Variants in YAF2 observed in about 807,000 individuals in gnomAD.
YAF2 encodes the protein YY1 associated factor 2.
Under a neutral mutation model 20.1 loss-of-function variants are expected in YAF2, and 7 were observed. That is an observed-to-expected ratio of 0.35 (90% CI 0.20 to 0.65). The LOEUF (loss-of-function observed/expected upper bound fraction) is 0.65, where lower values mean the gene tolerates loss of function less well. YAF2 is among the 30% of genes least tolerant of loss of function. YAF2 has a pLI of 0.69. For synonymous variants in YAF2, 74 were observed against 76.0 expected (o/e 0.97, Z 0.14); for missense variants, 151 against 219.2 (o/e 0.69, Z 1.96).
intron 2 of YAF2, among the ~76,000 whole-genome samples, chr12:42,188,006 T>A (rs1343681650): frequency 6.6e-6 from 1 of 152,218 alleles, no homozygotes; most frequent in African/African-American, 2.4e-5. Context: ...TTCAGGTAAC[T>A]GCAGCCTCAG....
At chr12:42,232,373 C>T in intron 2 of YAF2, 6 of 911,126 alleles carry the variant, frequency 6.6e-6, no homozygotes, top group Non-Finnish European at 7.9e-6. Flanking sequence ...AAAAAGATCT[C>T]AGGGACTCTC....
chr12:42,197,298 G>C (rs1256615294), intron 2 of YAF2, among the ~76,000 whole-genome samples: 1 of 152,166 alleles, frequency 6.6e-6, no homozygotes, highest in Non-Finnish European at 1.5e-5. Context: ...TCAAAAATTT[G>C]TCCAACACCC....
At chr12:42,213,418 G>A (rs1243412908) in intron 2 of YAF2, among the ~76,000 whole-genome samples, 3 of 152,186 alleles carry the variant, frequency 2.0e-5, no homozygotes. Context: ...AAATTAATCT[G>A]ACCAGATTTT....
intron 2 of YAF2, among the ~76,000 whole-genome samples, chr12:42,223,327 T>TACACACACAC (rs548568577): frequency 9.9e-4 from 131 of 131,804 alleles, no homozygotes; most frequent in African/African-American, 3.4e-3. Flanking sequence ...TTCTTTAAAA[T>TACACACACAC]ACATACACAC....
chr12:42,188,473 C>CCTCT (rs1818363482), intron 2 of YAF2, among the ~76,000 whole-genome samples: 1 of 150,774 alleles, frequency 6.6e-6, no homozygotes, highest in South Asian at 2.1e-4. Flanking sequence ...GCAAACTCCA[C>CCTCT]CTCTCGGGCT....
intron 2 of YAF2, among the ~76,000 whole-genome samples, chr12:42,200,078 A>G (rs1342617672): frequency 1.3e-5 from 2 of 152,178 alleles, no homozygotes; most frequent in East Asian, 3.9e-4. Context: ...GAGTTTACTA[A>G]GCAAAAGGCA....
intron 2 of YAF2, among the ~76,000 whole-genome samples, chr12:42,236,546 TAA>T (rs2068162321): frequency 1.5e-5 from 2 of 136,058 alleles, no homozygotes; most frequent in Non-Finnish European, 1.5e-5. Flanking sequence ...CTCTAAATTT[TAA>T]ACTTAATAAA....
chr12:42,228,425 T>TA (rs2067843555), intron 2 of YAF2, among the ~76,000 whole-genome samples: 2 of 20,896 alleles, frequency 9.6e-5, no homozygotes, highest in Non-Finnish European at 8.5e-5. Flanking sequence ...GGGAGGGAGG[T>TA]GGGGGGGTCA....
chr12:42,217,985 A>G (rs943370940), intron 2 of YAF2, among the ~76,000 whole-genome samples: 3 of 152,188 alleles, frequency 2.0e-5, no homozygotes, highest in African/African-American at 7.2e-5. Context: ...GACCATGACC[A>G]TGCTCAGACA....
intron 2 of YAF2, among the ~76,000 whole-genome samples, chr12:42,182,214 T>C (rs1273832357): frequency 6.6e-6 from 1 of 152,188 alleles, no homozygotes; most frequent in African/African-American, 2.4e-5. Flanking sequence ...ATTCACAAAG[T>C]TCATGATATG....
chr12:42,190,489 TAACTA>T (rs1186916121), intron 2 of YAF2, among the ~76,000 whole-genome samples: 3 of 152,234 alleles, frequency 2.0e-5, no homozygotes, highest in African/African-American at 7.2e-5. Context: ...CTGTTTTACT[TAACTA>T]TTTTTTCTGT....
chr12:42,207,856 A>T (rs1031848587), intron 2 of YAF2, among the ~76,000 whole-genome samples: 1 of 152,146 alleles, frequency 6.6e-6, no homozygotes, highest in East Asian at 1.9e-4. Flanking sequence ...GTGCCACTGC[A>T]CTCCAGCCTG....
chr12:42,207,987 G>C (rs1358997948), intron 2 of YAF2, among the ~76,000 whole-genome samples: 2 of 152,014 alleles, frequency 1.3e-5, no homozygotes, highest in African/African-American at 4.8e-5. Context: ...CTGATGTTAG[G>C]AACTAGGTAA....
rs143037593 is a variant in YAF2 at position 42,200,217 on chromosome 12, G to A, written c.152+37382C>T. 1.3e-4 allele frequency among the ~76,000 whole-genome samples: 20 copies of A among 152,274 alleles called. No homozygotes were observed. The East Asian group carries it at 2.5e-3, about 19-fold the overall frequency. On this transcript the variant is annotated intron_variant, in intron 2 of 3. Transcript: ENST00000534854. ...ATCAGTATTTCACTGCCTGCTTCCC[G>A]TGCTCCAAATCAAGACATTTCCTCC...
At chr12:42,166,594 T>C (rs1216793460) in intron 2 of YAF2, among the ~76,000 whole-genome samples, 1 of 152,248 alleles carries the variant, frequency 6.6e-6, no homozygotes, top group East Asian at 1.9e-4. Context: ...ATTTGTTCAC[T>C]TATCAATTAC....
intron 2 of YAF2, among the ~76,000 whole-genome samples, chr12:42,162,831 C>CT (rs1159898125): frequency 3.3e-5 from 5 of 152,028 alleles, no homozygotes; most frequent in African/African-American, 1.2e-4. Flanking sequence ...TGCTCAGGGC[C>CT]TAGACAGTCT....
intron 2 of YAF2, among the ~76,000 whole-genome samples, chr12:42,182,399 T>C (rs2066366963): frequency 1.3e-5 from 2 of 152,344 alleles, no homozygotes; most frequent in South Asian, 2.1e-4. Flanking sequence ...CAGCTTGTTA[T>C]GTAATTACAG....
At chr12:42,228,207 GC>G (rs1384834827) in intron 2 of YAF2, among the ~76,000 whole-genome samples, 1 of 91,864 alleles carries the variant, frequency 1.1e-5, no homozygotes, top group African/African-American at 4.9e-5. Flanking sequence ...GGGGGGGTCG[GC>G]CCCCCGCCCG....
intron 2 of YAF2, among the ~76,000 whole-genome samples, chr12:42,174,070 A>G (rs995167267): frequency 2.0e-5 from 3 of 151,392 alleles, no homozygotes; most frequent in African/African-American, 7.3e-5. Context: ...GTCAGCATAC[A>G]AAATATTTCA....
Sources: gnomAD v4.1 joint callset for allele counts (sites outside exome capture counted in the v4.1 genomes callset) on GRCh38, gnomAD v4.1.1 for gene constraint, MANE v1.5 for transcripts, NCBI Gene and HGNC (gene_info 2026-07-23, HGNC 2026-07-21) for gene names.